Variants in GPC6 observed in about 807,000 individuals in gnomAD.
GPC6 encodes the protein glypican 6, also known as glypican-6.
A neutral mutation model predicts 55.2 loss-of-function variants in GPC6; 14 were observed. That is an observed-to-expected ratio of 0.25 (90% CI 0.17 to 0.40). The LOEUF (loss-of-function observed/expected upper bound fraction) is 0.40, where lower values mean the gene tolerates loss of function less well. Among genes scored for constraint, GPC6 ranks in the 10% least tolerant of loss-of-function variants. The pLI, the probability that GPC6 is intolerant of heterozygous loss-of-function variation, is 1.00. For synonymous variants in GPC6, 278 were observed against 259.6 expected (o/e 1.07, Z -0.68); for missense variants, 641 against 708.5 (o/e 0.90, Z 1.08).
At chr13:93,767,133 A>G (rs1408873775) in intron 2 of GPC6, among the ~76,000 whole-genome samples, 1 of 152,200 alleles carries the variant, frequency 6.6e-6, no homozygotes. Flanking sequence ...TAAGCATTAT[A>G]GGACTGGGAA....
intron 2 of GPC6, among the ~76,000 whole-genome samples, chr13:93,722,405 T>A (rs1268734415): frequency 6.6e-6 from 1 of 151,870 alleles, no homozygotes; most frequent in East Asian, 1.9e-4. Flanking sequence ...GATTTTTAAG[T>A]ATTTAAATTA....
At chr13:93,794,707 C>T (rs1202205740) in intron 2 of GPC6, among the ~76,000 whole-genome samples, 1 of 152,112 alleles carries the variant, frequency 6.6e-6, no homozygotes, top group African/African-American at 2.4e-5. Context: ...ATGTTCACAG[C>T]TGCCTATTAG....
intron 1 of GPC6, among the ~76,000 whole-genome samples, chr13:93,412,186 A>C (rs2139246355): frequency 6.6e-6 from 1 of 152,222 alleles, no homozygotes; most frequent in Non-Finnish European, 1.5e-5. Flanking sequence ...GAAATGGGTG[A>C]CTAGTGTTAG....
chr13:94,288,829 T>A (rs1488706412), intron 5 of GPC6, among the ~76,000 whole-genome samples: 13 of 101,066 alleles, frequency 1.3e-4, no homozygotes, highest in East Asian at 2.6e-4. Flanking sequence ...ATATATATAT[T>A]TGTTATATAT....
At chr13:93,819,027 CCTGGATCCCA>C (rs1886956447) in intron 2 of GPC6, among the ~76,000 whole-genome samples, 1 of 152,060 alleles carries the variant, frequency 6.6e-6, no homozygotes, top group South Asian at 2.1e-4. Context: ...TATACTGGTA[CCTGGATCCCA>C]CTCCCAGAGA....
intron 3 of GPC6, among the ~76,000 whole-genome samples, chr13:94,018,251 T>C (rs532199456): frequency 2.2e-4 from 33 of 152,272 alleles, no homozygotes; most frequent in Non-Finnish European, 3.7e-4. Flanking sequence ...CACCCTTAAC[T>C]TTCTGGGAGA....
intron 1 of GPC6, among the ~76,000 whole-genome samples, chr13:93,426,718 A>C (rs1479345968): frequency 1.3e-5 from 2 of 152,148 alleles, no homozygotes; most frequent in South Asian, 4.1e-4. Context: ...GTGTCTTTAT[A>C]GCAGCATGAT....
At chr13:93,782,785 A>G (rs1274656766) in intron 2 of GPC6, among the ~76,000 whole-genome samples, 2 of 152,100 alleles carry the variant, frequency 1.3e-5, no homozygotes, top group East Asian at 3.8e-4. Context: ...TTATATATAT[A>G]CATATATATA....
intron 2 of GPC6, among the ~76,000 whole-genome samples, chr13:93,816,037 A>G (rs1412575395): frequency 6.6e-6 from 1 of 152,180 alleles, no homozygotes; most frequent in Non-Finnish European, 1.5e-5. Context: ...AGAATTACAC[A>G]GTTTATCATC....
chr13:93,888,329 T>G (rs1875465191), intron 3 of GPC6, among the ~76,000 whole-genome samples: 1 of 152,186 alleles, frequency 6.6e-6, no homozygotes, highest in African/African-American at 2.4e-5. Flanking sequence ...TCATTACTGC[T>G]GAATACAGCC....
At chr13:93,619,073 A>T (rs1279327178) in intron 2 of GPC6, among the ~76,000 whole-genome samples, 1 of 152,162 alleles carries the variant, frequency 6.6e-6, no homozygotes, top group East Asian at 1.9e-4. Flanking sequence ...ACATAGTCTC[A>T]TGGGAACACC....
chr13:93,228,346 C>G (rs1219886678), intron 1 of GPC6, among the ~76,000 whole-genome samples: 2 of 152,212 alleles, frequency 1.3e-5, no homozygotes, highest in Non-Finnish European at 2.9e-5. Context: ...CACCCTGCCA[C>G]CCGGTCTGGA....
At chr13:93,520,032 C>T (rs926935022) in intron 1 of GPC6, among the ~76,000 whole-genome samples, 1 of 151,900 alleles carries the variant, frequency 6.6e-6, no homozygotes, top group African/African-American at 2.4e-5. Flanking sequence ...GTCAGCTGTT[C>T]ATTCATCATA....
At chr13:93,390,093 T>C (rs1301255934) in intron 1 of GPC6, among the ~76,000 whole-genome samples, 1 of 151,992 alleles carries the variant, frequency 6.6e-6, no homozygotes. Flanking sequence ...TAAGAGGAAC[T>C]TGGAGGGTGA....
At chr13:94,371,437 C>T (rs1045626774) in intron 6 of GPC6, among the ~76,000 whole-genome samples, 1 of 152,110 alleles carries the variant, frequency 6.6e-6, no homozygotes, top group African/African-American at 2.4e-5. Context: ...CCAGCATCTG[C>T]ATTTGAATTT....
At chr13:94,178,894 G>T (rs1888886904) in intron 4 of GPC6, among the ~76,000 whole-genome samples, 1 of 152,178 alleles carries the variant, frequency 6.6e-6, no homozygotes, top group South Asian at 2.1e-4. Context: ...CTTGTTAGGA[G>T]GTACAGGCAC....
intron 5 of GPC6, among the ~76,000 whole-genome samples, chr13:94,295,180 C>T (rs1370707210): frequency 2.0e-5 from 3 of 151,940 alleles, no homozygotes; most frequent in Non-Finnish European, 4.4e-5. Context: ...TGATTTGGGG[C>T]AAATTTTTTA....
At chr13:94,316,483 C>T (rs1173334865) in intron 6 of GPC6, among the ~76,000 whole-genome samples, 3 of 151,926 alleles carry the variant, frequency 2.0e-5, no homozygotes, top group South Asian at 2.1e-4. Context: ...TTTGGGAGGC[C>T]GAGGCGGGCG....
chr13:93,734,349 A>G (rs1883926497), intron 2 of GPC6, among the ~76,000 whole-genome samples: 1 of 152,180 alleles, frequency 6.6e-6, no homozygotes, highest in Admixed American at 6.5e-5. Flanking sequence ...ACGTTAGCAC[A>G]TCCCTTAAAC....
Sources: gnomAD v4.1 joint callset for allele counts (sites outside exome capture counted in the v4.1 genomes callset) on GRCh38, gnomAD v4.1.1 for gene constraint, MANE v1.5 for transcripts, NCBI Gene and HGNC (gene_info 2026-07-23, HGNC 2026-07-21) for gene names.